Variants in EGF observed in about 807,000 individuals in gnomAD.
EGF encodes pro-epidermal growth factor.
Under a neutral mutation model 143.8 loss-of-function variants are expected in EGF, and 95 were observed. That is an observed-to-expected ratio of 0.66 (90% CI 0.56 to 0.78). The LOEUF (loss-of-function observed/expected upper bound fraction) is 0.78, where lower values mean the gene tolerates loss of function less well. Ranked by LOEUF, EGF falls within the 30% of genes least tolerant of loss-of-function variation. The pLI is 0.00. For synonymous variants in EGF, 510 were observed against 510.5 expected (o/e 1.00, Z 0.01); for missense variants, 1,320 against 1,470.9 (o/e 0.90, Z 1.68).
intron 16 of EGF, among the ~76,000 whole-genome samples, chr4:109,984,529 C>T (rs1291417822): frequency 1.3e-5 from 2 of 152,160 alleles, no homozygotes; most frequent in African/African-American, 4.8e-5. Flanking sequence ...AAAATCTGCA[C>T]ATATGCAAGT....
chr4:109,976,227 A>G lies in EGF; in HGVS notation c.2045A>G (p.Asn682Ser). The change falls in exon 13 of 24, where the codon AAT (asparagine) becomes AGT (serine). Residue 682 changes from asparagine (N) to serine (S), a missense_variant. By Grantham distance (46) the Asn-to-Ser change is conservative. Around this residue, in one of 5 missense-constraint regions of EGF, gnomAD observed 1,186 missense variants for 1,313.7 expected, o/e 0.90. Transcript: ENST00000265171. Reference sequence around the variant, plus strand: ...TCAAAACGCCGAAGACTTACCCAGAATGATGTAGGTGAGGCTTTGGGATGG... The same window carrying G: ...TCAAAACGCCGAAGACTTACCCAGAGTGATGTAGGTGAGGCTTTGGGATGG... ...DGSKRRRLTQNDVGHPFAVAV... is the reference protein window; with the variant it reads ...DGSKRRRLTQSDVGHPFAVAV... 2 of 1,613,858 alleles carry G rather than the reference A, an allele frequency of 1.2e-6. No homozygotes were observed. The highest frequency in any genetic ancestry group is 8.5e-7 in the Non-Finnish European group (1 of 1,179,896).
intron 20 of EGF, among the ~76,000 whole-genome samples, chr4:109,996,235 C>G (rs1418454316): frequency 6.6e-6 from 1 of 152,174 alleles, no homozygotes; most frequent in African/African-American, 2.4e-5. Flanking sequence ...TCATTTGGAT[C>G]TGATAACATC....
At chr4:109,941,454 T>C (rs1385237159) in intron 2 of EGF, among the ~76,000 whole-genome samples, 1 of 152,188 alleles carries the variant, frequency 6.6e-6, no homozygotes, top group African/African-American at 2.4e-5. Context: ...TCTTGCTATT[T>C]GTAAGGTACC....
rs376075365 is a variant in EGF, at chr4:109,959,475, C to T, written c.1066+38C>T. 57 of 1,611,608 alleles carry T rather than the reference C, an allele frequency of 3.5e-5. No individual in the cohort carries two copies. The African/African-American group carries it at 6.4e-4, about 18-fold the overall frequency. On this transcript the variant is annotated intron_variant, in intron 6 of 23. Coordinates refer to ENST00000265171, the MANE Select transcript of EGF (RefSeq NM_001963.6). ...AGTACTGTGAAGGTAATGGAAGAGT[C>T]GCTGCTTGAGGGGAGGAATGCTCAA...
At chr4:109,944,497 G>GTA (rs1364483924) in intron 4 of EGF, among the ~76,000 whole-genome samples, 1 of 152,246 alleles carries the variant, frequency 6.6e-6, no homozygotes, top group Non-Finnish European at 1.5e-5. Context: ...GTGACTTTGA[G>GTA]TAGGTTCTAT....
At chr4:109,929,589 C>G (rs576112333) in intron 1 of EGF, among the ~76,000 whole-genome samples, 2 of 152,216 alleles carry the variant, frequency 1.3e-5, no homozygotes, top group South Asian at 4.1e-4. Context: ...TAAGCCTCTT[C>G]AGTTTACATG....
intron 15 of EGF, 114 bp downstream of exon 15, chr4:109,981,089 G>T: frequency 4.8e-6 from 7 of 1,466,706 alleles, no homozygotes; most frequent in Non-Finnish European, 6.7e-6. Flanking sequence ...AAGTTCTCCT[G>T]TTTTTAGGAA....
At chr4:109,953,489 T>C (rs1296549044) in intron 5 of EGF, among the ~76,000 whole-genome samples, 1 of 152,224 alleles carries the variant, frequency 6.6e-6, no homozygotes, top group Non-Finnish European at 1.5e-5. Context: ...GTAAATTCAG[T>C]GTTCGATCCT....
At chr4:109,974,660 T>C (rs1315071733) in intron 11 of EGF, 43 bp from the exon 12 acceptor site, 1 of 1,430,586 alleles carries the variant, frequency 7.0e-7, no homozygotes, top group East Asian at 2.3e-5. Context: ...GTTTGAAAAG[T>C]AAAGGTGTTA....
intron 20 of EGF, 53 bp downstream of exon 20, chr4:109,994,933 C>T: frequency 6.2e-7 from 1 of 1,610,530 alleles, no homozygotes; most frequent in Non-Finnish European, 8.5e-7. Context: ...CAGTCCATAA[C>T]TTGTAGCTAA....
intron 16 of EGF, among the ~76,000 whole-genome samples, chr4:109,984,487 A>G (rs1373825748): frequency 6.6e-6 from 1 of 152,188 alleles, no homozygotes; most frequent in African/African-American, 2.4e-5. Flanking sequence ...CTGTATCCAC[A>G]GGGGATTGAT....
intron 5 of EGF, among the ~76,000 whole-genome samples, chr4:109,952,108 C>G (rs1744036219): frequency 2.0e-5 from 3 of 152,164 alleles, no homozygotes. Flanking sequence ...GCCCTGATAC[C>G]TACACTATTA....
chr4:109,913,790 A>G (rs994268570), intron 1 of EGF, among the ~76,000 whole-genome samples: 57 of 152,224 alleles, frequency 3.7e-4, no homozygotes, highest in African/African-American at 1.3e-3. Context: ...TTGCTTGGAA[A>G]TTAGGGAAAC....
intron 15 of EGF, among the ~76,000 whole-genome samples, chr4:109,981,632 A>C (rs928516354): frequency 1.3e-5 from 2 of 152,158 alleles, no homozygotes; most frequent in African/African-American, 4.8e-5. Flanking sequence ...ATTTTATTAA[A>C]TTTTTTAAAA....
chr4:109,997,104 G>A (rs1270684283), intron 20 of EGF, among the ~76,000 whole-genome samples: 2 of 152,068 alleles, frequency 1.3e-5, no homozygotes, highest in African/African-American at 4.8e-5. Context: ...GTTAGGGGAA[G>A]CCAGTGAGCC....
intron 7 of EGF, 99 bp from the exon 8 acceptor site, chr4:109,961,764 C>G: frequency 6.6e-7 from 1 of 1,524,742 alleles, no homozygotes; most frequent in Admixed American, 1.7e-5. Flanking sequence ...TTTGGGAGGT[C>G]AAGGCAGGAG....
chr4:109,939,455 C>T (rs1414659345), intron 1 of EGF, among the ~76,000 whole-genome samples: 2 of 152,224 alleles, frequency 1.3e-5, no homozygotes, highest in African/African-American at 4.8e-5. Flanking sequence ...CACAACTTCC[C>T]TTGGCTAGGA....
chr4:109,993,155 T>G, intron 18 of EGF, 92 bp from the exon 19 acceptor site: 1 of 1,547,956 alleles, frequency 6.5e-7, no homozygotes, highest in Non-Finnish European at 8.9e-7. Context: ...TGACAGAAGC[T>G]GATGAAGCTC....
chr4:110,011,005 C>T (rs1753921003), intron 23 of EGF, among the ~76,000 whole-genome samples, 197 bp from the exon 24 acceptor site: 1 of 150,638 alleles, frequency 6.6e-6, no homozygotes, highest in Middle Eastern at 3.4e-3. Context: ...TGTGCCACTG[C>T]ACAATCTGCC....
Sources: gnomAD v4.1 joint callset for allele counts (sites outside exome capture counted in the v4.1 genomes callset) on GRCh38, gnomAD v4.1.1 for gene constraint, gnomAD v4.1.1 regional missense constraint, MANE v1.5 for transcripts, NCBI Gene and HGNC (gene_info 2026-07-23, HGNC 2026-07-21) for gene names.